SIGLEC9: variants seen among roughly 807,000 people sequenced by gnomAD.
The protein encoded by SIGLEC9 is sialic acid binding Ig like lectin 9, also known as sialic acid-binding Ig-like lectin 9.
SIGLEC9 carries 26 observed loss-of-function variants against 38.3 expected under a neutral mutation model. The observed-to-expected ratio is 0.68, with a 90% confidence interval of 0.50 to 0.94. The LOEUF is 0.94. Ranked by LOEUF, SIGLEC9 falls within the 40% of genes least tolerant of loss-of-function variation. The pLI is 0.00. For missense variants in SIGLEC9, 556 were observed against 585.7 expected (o/e 0.95, Z 0.52); for synonymous variants, 236 against 248.0 (o/e 0.95, Z 0.45).
chr19:51,131,272 G>A (rs577754941), downstream of SIGLEC9, among the ~76,000 whole-genome samples: 4 of 152,180 alleles, frequency 2.6e-5, no homozygotes, highest in East Asian at 1.9e-4. Flanking sequence ...TCAAAAAACC[G>A]TAAAGTACCA....
downstream of SIGLEC9, among the ~76,000 whole-genome samples, chr19:51,131,206 C>G (rs534450675): frequency 6.6e-6 from 1 of 152,326 alleles, no homozygotes; most frequent in African/African-American, 2.4e-5. Flanking sequence ...AATCAAAGGA[C>G]TGGAGGAAGC....
downstream of SIGLEC9, among the ~76,000 whole-genome samples, chr19:51,131,482 A>G (rs1008828437): frequency 6.6e-6 from 1 of 151,892 alleles, no homozygotes; most frequent in African/African-American, 2.4e-5. Context: ...GCTACTCGGG[A>G]GGCTGAGGCA....
rs200280509 is a variant in SIGLEC9 at position 51,129,974 on chromosome 19, A to G, written c.1287A>G (p.Gly429=). Residue 429 remains glycine (G), a synonymous_variant, in exon 7 of 7, where the codon GGA becomes GGG. Transcript: ENST00000250360. ...PASARSSVGE[G]ELQYASLSFQ... ...CTGCCCGCTCCTCAGTGGGGGAAGG[A>G]GAGCTCCAGTATGCATCCCTCAGCT... The G allele has an allele frequency of 6.2e-7, 1 of 1,614,058 alleles. No homozygotes were observed. Among genetic ancestry groups the G allele is most frequent in the East Asian group, 2.2e-5 (1 of 44,854 alleles).
At chr19:51,130,363 T>G, downstream of SIGLEC9, 1 of 311,114 alleles carries the variant, frequency 3.2e-6, no homozygotes, top group Non-Finnish European at 5.5e-6. Flanking sequence ...GAAGCCCTAC[T>G]TGCAAGGTTG....
chr19:51,123,629 GAGGAAGTGGGGTGTGGCTGAC>G (rs1321731633), upstream of SIGLEC9, among the ~76,000 whole-genome samples: 2 of 152,224 alleles, frequency 1.3e-5, no homozygotes, highest in African/African-American at 4.8e-5. Context: ...GCTGCTTCAG[GAGGAAGTGGGGTGTGGCTGAC>G]AGGAAGTGGG....
upstream of SIGLEC9, among the ~76,000 whole-genome samples, chr19:51,123,533 G>A (rs10420861): frequency 1.3e-5 from 2 of 152,158 alleles, no homozygotes; most frequent in Non-Finnish European, 2.9e-5. Context: ...GCAAACATGG[G>A]GGCCTGAGGT....
At chr19:51,131,150 G>A (rs2092012922), downstream of SIGLEC9, among the ~76,000 whole-genome samples, 1 of 152,082 alleles carries the variant, frequency 6.6e-6, no homozygotes, top group Non-Finnish European at 1.5e-5. Flanking sequence ...ACGAGGAAAG[G>A]GACATCTCAC....
At chr19:51,121,186 C>T (rs958994576), upstream of SIGLEC9, among the ~76,000 whole-genome samples, 7 of 152,058 alleles carry the variant, frequency 4.6e-5, no homozygotes, top group East Asian at 1.9e-4. Flanking sequence ...GATGGAGTCT[C>T]GCTCTGTCAC....
At position 51,125,373 on chromosome 19, in the gene SIGLEC9, C is replaced by T. The variant is rs748102098; in HGVS notation, c.399C>T (p.His133=). The part of the protein sequence containing the change: ...KGSIKWNYKH[H]RLSVNVTALT... ...GTATAAAATGGAATTATAAACATCA[C>T]CGGCTCTCTGTGAATGTGACAGGTA... The change falls in exon 1 of 7, where the codon CAC becomes CAT. Residue 133 remains histidine, a synonymous_variant. Coordinates refer to ENST00000250360, the MANE Select transcript of SIGLEC9 (RefSeq NM_014441.3). The T allele has an allele frequency of 6.9e-6, 11 of 1,589,388 alleles. No individual in the cohort carries two copies. The South Asian group carries it at 1.2e-4, about 17-fold the overall frequency.
chr19:51,120,672 C>A, upstream of SIGLEC9: 1 of 179,792 alleles, frequency 5.6e-6, no homozygotes. The surrounding 1 kb of genome is among the most constrained non-coding windows in gnomAD (Gnocchi z 4.1). Context: ...ATCCCACAGC[C>A]ATGTGACCAT....
downstream of SIGLEC9, among the ~76,000 whole-genome samples, chr19:51,133,734 T>TGTACTATAA (rs2092028937): frequency 6.6e-6 from 1 of 152,188 alleles, no homozygotes. Context: ...ACTATAATGT[T>TGTACTATAA]TGTACAACTG....
At chr19:51,121,928 C>T (rs1217833078), upstream of SIGLEC9, among the ~76,000 whole-genome samples, 2 of 151,950 alleles carry the variant, frequency 1.3e-5, no homozygotes, top group Non-Finnish European at 2.9e-5. Context: ...CCTCCCCAGC[C>T]TCCCATCTTC....
chr19:51,126,821 A>G lies in SIGLEC9; in HGVS notation c.749-209A>G, dbSNP rs145240422. On this transcript the variant is annotated intron_variant, in intron 3 of 6. Coordinates refer to ENST00000250360, the MANE Select transcript of SIGLEC9 (RefSeq NM_014441.3). ...TAAAAGCAAAATGTAGCTACATTAT[A>G]TGTTCTTTCTTATTTTGAAAGATAA... 1.9e-4 allele frequency among the ~76,000 whole-genome samples: 29 copies of G among 152,314 alleles called. No individual in the cohort carries two copies. In the East Asian group the frequency reaches 5.4e-3, roughly 28 times the overall value.
At chr19:51,126,899 T>G (rs2091982181) in intron 3 of SIGLEC9, 131 bp from the exon 4 acceptor site, 1 of 721,438 alleles carries the variant, frequency 1.4e-6, no homozygotes. Context: ...CAGCAGTGAG[T>G]GGTGAAAGTG....
At chr19:51,129,844 C>G in intron 6 of SIGLEC9, 47 bp from the exon 7 acceptor site, 1 of 1,404,930 alleles carries the variant, frequency 7.1e-7, no homozygotes. Flanking sequence ...CCACCGCGCC[C>G]CATCCTCACT....
chr19:51,125,351 T>C lies in SIGLEC9; in HGVS notation c.377T>C (p.Ile126Thr). ...TTCTTTCGTATGGAGAAAGGAAGTA[T>C]AAAATGGAATTATAAACATCACCGG... The part of the protein sequence containing the change: ...RYFFRMEKGS[I>T]KWNYKHHRLS... Residue 126 changes from isoleucine (I) to threonine (T), a missense_variant, in exon 1 of 7, where the codon ATA (isoleucine) becomes ACA (threonine). Ile to Thr is a moderately conservative substitution (Grantham distance 89, BLOSUM62 -1). Transcript: ENST00000250360. 6.2e-7 allele frequency: 1 copy of C among 1,604,644 alleles called. No individual in the cohort carries two copies. The highest frequency in any genetic ancestry group is 8.5e-7 in the Non-Finnish European group (1 of 1,174,874).
intron 3 of SIGLEC9, 53 bp downstream of exon 3, chr19:51,126,181 A>T: frequency 6.5e-7 from 1 of 1,544,026 alleles, no homozygotes; most frequent in Middle Eastern, 1.7e-4. Flanking sequence ...TCAGGTCAGG[A>T]TGGGGCTGGC....
Position 51,129,877 on chromosome 19 carries a change from C to G in SIGLEC9, c.1204-14C>G. 1.3e-6 allele frequency: 2 copies of G among 1,555,738 alleles called. No individual in the cohort carries two copies. Among genetic ancestry groups the G allele is most frequent in the Non-Finnish European group, 8.7e-7 (1 of 1,151,486 alleles). ...ACTGTCTGCTCTGACTCACTTCTCT[C>G]TCCCATGTCTCAGGGGCCCCTGACT... is the stretch of plus-strand genomic sequence containing the variant. On this transcript the variant is annotated splice_polypyrimidine_tract_variant and intron_variant, in intron 6 of 6. Transcript: ENST00000250360.
At chr19:51,122,139 G>GT (rs1443255783), upstream of SIGLEC9, among the ~76,000 whole-genome samples, 1 of 152,138 alleles carries the variant, frequency 6.6e-6, no homozygotes, top group African/African-American at 2.4e-5. This position sits in a 1 kb window ranked among gnomAD's most constrained non-coding sequence, Gnocchi z 4.1. Flanking sequence ...CTGCCAGACT[G>GT]TTTCAGAGCC....
Sources: allele counts gnomAD v4.1 joint callset (sites outside exome capture counted in the v4.1 genomes callset), GRCh38; gene constraint gnomAD v4.1.1; non-coding constraint Gnocchi (gnomAD v3.1); transcripts MANE v1.5; gene names NCBI Gene and HGNC (gene_info 2026-07-23, HGNC 2026-07-21).